The following NAALADL2 variants were observed in gnomAD, a reference collection of about 807,000 sequenced individuals.
The protein encoded by NAALADL2 is inactive N-acetylated-alpha-linked acidic dipeptidase-like protein 2.
Under a neutral mutation model 87.2 loss-of-function variants are expected in NAALADL2, and 76 were observed. The ratio of observed to expected loss-of-function variants is 0.87; its 90% CI spans 0.72 to 1.05. The LOEUF is 1.05. NAALADL2 is among the 50% of genes least tolerant of loss of function. NAALADL2 has a pLI of 0.00. For missense variants in NAALADL2, 1,089 were observed against 945.8 expected (o/e 1.15, Z -1.99); for synonymous variants, 354 against 331.0 (o/e 1.07, Z -0.75).
At chr3:174,734,284 A>G (rs1428054292) in intron 2 of NAALADL2, among the ~76,000 whole-genome samples, 4 of 152,212 alleles carry the variant, frequency 2.6e-5, no homozygotes, top group South Asian at 2.1e-4. Context: ...ATGTGTGTGT[A>G]TAGGCAGGTA....
chr3:175,676,048 A>G (rs1171048828), intron 11 of NAALADL2: 1 of 152,050 alleles, frequency 6.6e-6, no homozygotes, highest in Non-Finnish European at 1.5e-5. Flanking sequence ...ACATAATCTT[A>G]GGCAGGTAAA....
intron 1 of NAALADL2, among the ~76,000 whole-genome samples, chr3:174,930,324 C>T (rs140182330): frequency 4.6e-5 from 7 of 152,072 alleles, no homozygotes; most frequent in Non-Finnish European, 8.8e-5. Context: ...CTGTAATATA[C>T]ACTTAGTTTA....
At chr3:174,658,561 A>G (rs1334225461) in intron 2 of NAALADL2, among the ~76,000 whole-genome samples, 2 of 152,176 alleles carry the variant, frequency 1.3e-5, no homozygotes, top group African/African-American at 2.4e-5. Context: ...CTTTGATAGT[A>G]CAGAACACTG....
intron 10 of NAALADL2, among the ~76,000 whole-genome samples, chr3:175,591,253 A>T (rs75325317): frequency 0.079 from 12,000 of 152,126 alleles, 1,019 homozygotes; most frequent in African/African-American, 0.22. Context: ...TATAAAGCAT[A>T]TTTTTCTCAA....
chr3:175,702,777 T>C (rs2149972525), intron 11 of NAALADL2, among the ~76,000 whole-genome samples: 1 of 152,148 alleles, frequency 6.6e-6, no homozygotes, highest in Non-Finnish European at 1.5e-5. Flanking sequence ...ACTCTAAGAA[T>C]CCCCTCTACT....
rs1266773224 is a variant in NAALADL2, at chr3:175,810,041, TTTGA to T, written c.*6841_*6844del. Reference sequence around the variant, plus strand: ...TGGTGTTTAGCCTTGTTCAAAATGATTTGATTATCATCTGGATTCAGAAATCTTT... The same window carrying T: ...TGGTGTTTAGCCTTGTTCAAAATGATTTATCATCTGGATTCAGAAATCTTT... On this transcript the variant is annotated 3_prime_UTR_variant, in exon 14 of 14. Transcript: ENST00000454872. The T allele has an allele frequency of 1.6e-4, 24 of 152,184 alleles. No individual in the cohort carries two copies. Among genetic ancestry groups the T allele is most frequent in the African/African-American group, 2.9e-4 (12 of 41,564 alleles). 9.4% of individuals were successfully genotyped at this position (152,184 alleles called of 1,614,324 possible).
intron 4 of NAALADL2, among the ~76,000 whole-genome samples, chr3:175,279,659 T>C (rs913798984): frequency 6.6e-6 from 1 of 152,028 alleles, no homozygotes; most frequent in African/African-American, 2.4e-5. Flanking sequence ...TACTATTTTA[T>C]TTCTTCCTGA....
At chr3:175,342,074 T>A (rs1762620836) in intron 5 of NAALADL2, among the ~76,000 whole-genome samples, 1 of 152,150 alleles carries the variant, frequency 6.6e-6, no homozygotes, top group Non-Finnish European at 1.5e-5. Flanking sequence ...TTACTATAAT[T>A]TTGTAGTAAG....
rs374612063 is a variant in NAALADL2, at chr3:175,014,158, A to G, written c.44-82632A>G. 2.6e-5 allele frequency among the ~76,000 whole-genome samples: 4 copies of G among 152,118 alleles called. No individual in the cohort carries two copies. The East Asian group carries it at 5.8e-4, about 22-fold the overall frequency. Reference sequence around the variant, plus strand: ...TATTATCTTTCCAACCTCATCTTCTATGATTATTCTTCCTACTGCTCCTCA... The same window carrying G: ...TATTATCTTTCCAACCTCATCTTCTGTGATTATTCTTCCTACTGCTCCTCA... On this transcript the variant is annotated intron_variant, in intron 1 of 13. Coordinates refer to ENST00000454872, the MANE Select transcript of NAALADL2 (RefSeq NM_207015.3).
chr3:175,188,197 G>T (rs1284685347), intron 2 of NAALADL2, among the ~76,000 whole-genome samples: 1 of 152,132 alleles, frequency 6.6e-6, no homozygotes, highest in Non-Finnish European at 1.5e-5. Context: ...ATACCTGGCA[G>T]CAGTGATAAA....
chr3:175,213,018 G>A (rs1560172846), intron 2 of NAALADL2, among the ~76,000 whole-genome samples: 1 of 152,224 alleles, frequency 6.6e-6, no homozygotes, highest in East Asian at 1.9e-4. Context: ...GCTGAAATCA[G>A]TGCAAGCCTA....
chr3:174,924,694 C>G (rs1164363827), intron 1 of NAALADL2, among the ~76,000 whole-genome samples: 1 of 152,110 alleles, frequency 6.6e-6, no homozygotes, highest in African/African-American at 2.4e-5. Context: ...TAGAAGTGTT[C>G]CTATTTGTCC....
intron 11 of NAALADL2, among the ~76,000 whole-genome samples, chr3:175,660,849 A>G (rs944472455): frequency 8.6e-5 from 13 of 152,042 alleles, no homozygotes; most frequent in African/African-American, 3.1e-4. Context: ...CATTCTTTTT[A>G]TGGCTAAATA....
chr3:174,647,203 T>C (rs1363653476), intron 2 of NAALADL2, among the ~76,000 whole-genome samples: 1 of 152,110 alleles, frequency 6.6e-6, no homozygotes, highest in Non-Finnish European at 1.5e-5. Flanking sequence ...CTTTCACAGA[T>C]TTATAGGTGG....
At chr3:174,983,309 G>A (rs1235422263) in intron 1 of NAALADL2, among the ~76,000 whole-genome samples, 1 of 152,100 alleles carries the variant, frequency 6.6e-6, no homozygotes, top group Non-Finnish European at 1.5e-5. Context: ...GTGGGCTCTT[G>A]GCTATAGGGG....
chr3:174,538,840 T>G (rs1303393931), intron 1 of NAALADL2, among the ~76,000 whole-genome samples: 4 of 152,174 alleles, frequency 2.6e-5, no homozygotes, highest in Non-Finnish European at 5.9e-5. Flanking sequence ...GGGCCCATTT[T>G]GAGTTGTCCT....
At chr3:175,350,321 G>A (rs776011545) in intron 5 of NAALADL2, among the ~76,000 whole-genome samples, 29 of 152,102 alleles carry the variant, frequency 1.9e-4, no homozygotes, top group Non-Finnish European at 2.6e-4. Flanking sequence ...TCCAACTTAA[G>A]TCCTATGTTG....
chr3:174,539,279 G>A (rs1357254417), intron 1 of NAALADL2, among the ~76,000 whole-genome samples: 1 of 152,076 alleles, frequency 6.6e-6, no homozygotes, highest in African/African-American at 2.4e-5. Flanking sequence ...ACACAGAGAT[G>A]AAATGATAGC....
intron 11 of NAALADL2, among the ~76,000 whole-genome samples, chr3:175,678,310 A>C (rs919446358): frequency 2.0e-5 from 3 of 152,218 alleles, no homozygotes; most frequent in African/African-American, 7.2e-5. Flanking sequence ...TGAACCCAGT[A>C]ACATGGTACT....
Sources: allele counts gnomAD v4.1 joint callset (sites outside exome capture counted in the v4.1 genomes callset), GRCh38; gene constraint gnomAD v4.1.1; transcripts MANE v1.5; gene names NCBI Gene and HGNC (gene_info 2026-07-23, HGNC 2026-07-21).